The following PCNX3 variants were observed in gnomAD, a reference collection of about 807,000 sequenced individuals.
The protein encoded by PCNX3 is pecanex-like protein 3.
A neutral mutation model predicts 207.2 loss-of-function variants in PCNX3; 58 were observed. The observed-to-expected ratio is 0.28, with a 90% CI of 0.23 to 0.35. The LOEUF is 0.35. Among genes scored for constraint, PCNX3 ranks in the 10% least tolerant of loss-of-function variants. The probability of loss-of-function intolerance (pLI) is 1.00; values close to 1 mark genes in which losing one functional copy is unlikely to be tolerated. For synonymous variants in PCNX3, 1,337 were observed against 1,183.5 expected (o/e 1.13, Z -2.66); for missense variants, 2,410 against 2,774.4 (o/e 0.87, Z 2.95).
At position 65,618,379 on chromosome 11, in the gene PCNX3, A is replaced by C. The variant is rs920358458; in HGVS notation, c.1017A>C (p.Pro339=). The change falls in exon 6 of 35, where the codon CCA becomes CCC. Residue 339 remains proline, a synonymous_variant. Transcript: ENST00000355703. ...GPAPEGSDTD[P]PSEAELPASP... ...CCCCTGAGGGCAGCGACACAGACCC[A>C]CCCTCTGAGGCTGAGCTGCCTGCCT... 3.7e-6 allele frequency: 6 copies of C among 1,612,344 alleles called. No individual in the cohort carries two copies. The highest frequency in any genetic ancestry group is 5.1e-6 in the Non-Finnish European group (6 of 1,179,726).
intron 6 of PCNX3, 74 bp from the exon 7 acceptor site, chr11:65,619,463 A>G: frequency 1.3e-6 from 2 of 1,561,422 alleles, no homozygotes; most frequent in South Asian, 1.2e-5. Context: ...CTGGCGGAAC[A>G]CCGTCCCCAA....
In PCNX3 at chr11:65,627,023, A is replaced by C; in HGVS notation, c.3499A>C (p.Ser1167Arg). Reference sequence around the variant, plus strand: ...CACGGTGGACGCCCACACAGTCGTCAGCCACCCGGACAAGTACTGCTTCTA... The same window carrying C: ...CACGGTGGACGCCCACACAGTCGTCCGCCACCCGGACAAGTACTGCTTCTA... ...ALTVDAHTVVSHPDKYCFYCR... is the reference protein window; with the variant it reads ...ALTVDAHTVVRHPDKYCFYCR... Residue 1167 changes from serine to arginine, a missense_variant, in exon 21 of 35, where the codon AGC becomes CGC. Ser to Arg is a moderately radical substitution (Grantham distance 110). This residue lies in a region of PCNX3 where 333 missense variants were observed against 386.8 expected (regional missense o/e 0.86). Transcript: ENST00000355703. The C allele has an allele frequency of 6.5e-7, 1 of 1,531,938 alleles. No individual in the cohort carries two copies. Among genetic ancestry groups the C allele is most frequent in the South Asian group, 1.2e-5 (1 of 82,586 alleles). 94.9% of individuals were successfully genotyped at this position (1,531,938 alleles called of 1,614,324 possible).
Position 65,628,955 on chromosome 11 carries a change from C to T in PCNX3, c.3941+7C>T, listed in dbSNP as rs772824837. The T allele has an allele frequency of 6.2e-7, 1 of 1,610,776 alleles. No individual in the cohort carries two copies. The highest frequency in any genetic ancestry group is 8.5e-7 in the Non-Finnish European group (1 of 1,179,746). ...TCTGGGAGCGCGACTACAAGTGAGT[C>T]TCACAGGAGGCGGGAGCATGCCCAG... is the stretch of plus-strand genomic sequence containing the variant. On this transcript the variant is annotated splice_region_variant and intron_variant, in intron 24 of 34. Transcript: ENST00000355703.
chr11:65,625,118 C>A lies in PCNX3; in HGVS notation c.2920-53C>A. ...CAGTGGCTTCTCACACGGGGGCAGCCCGGGCCCCATGCTTACCTCACCTCC... is the reference window on the plus strand; with the variant it reads ...CAGTGGCTTCTCACACGGGGGCAGCACGGGCCCCATGCTTACCTCACCTCC... On this transcript the variant is annotated intron_variant, in intron 16 of 34. Transcript: ENST00000355703. The surrounding 1 kb of genome is among the most constrained non-coding windows in gnomAD (Gnocchi z 5.6). 1 of 1,556,714 alleles carries A rather than the reference C, an allele frequency of 6.4e-7. No individual in the cohort carries two copies. Among genetic ancestry groups the A allele is most frequent in the Non-Finnish European group, 8.8e-7 (1 of 1,141,884 alleles).
chr11:65,625,398 C>A lies in PCNX3; in HGVS notation c.3030-7C>A, dbSNP rs536368223. 387 of 1,602,246 alleles carry A rather than the reference C, an allele frequency of 2.4e-4. 3 individuals are homozygous for A. The South Asian group carries it at 4.0e-3, about 17-fold the overall frequency. Reference sequence around the variant, plus strand: ...GCGGCCTCCTCCTGACTCTTCCTCACCCCCAGGTCTCTGATCCGGAGCAAG... The same window carrying A: ...GCGGCCTCCTCCTGACTCTTCCTCAACCCCAGGTCTCTGATCCGGAGCAAG... On this transcript the variant is annotated splice_region_variant and splice_polypyrimidine_tract_variant and intron_variant, in intron 17 of 34. Coordinates refer to ENST00000355703, the MANE Select transcript of PCNX3 (RefSeq NM_032223.4). The surrounding 1 kb of genome is among the most constrained non-coding windows in gnomAD (Gnocchi z 5.6).
chr11:65,618,558 G>A lies in PCNX3; in HGVS notation c.1196G>A (p.Arg399Gln), dbSNP rs538665832. Residue 399 changes from arginine to glutamine, a missense_variant, in exon 6 of 35, where the codon CGA becomes CAA. Arg to Gln is a conservative substitution (Grantham distance 43). Coordinates refer to ENST00000355703, the MANE Select transcript of PCNX3 (RefSeq NM_032223.4). ...CCTAGCAAACGGCAGCCACCCCTGC[G>A]AAGACACTCTCCACCTGGCCGTGCC... Reference protein sequence around the residue: ...LRPSKRQPPLRRHSPPGRAPR... With the variant: ...LRPSKRQPPLQRHSPPGRAPR... 6.8e-6 allele frequency: 11 copies of A among 1,611,642 alleles called. No homozygotes were observed. Among genetic ancestry groups the A allele is most frequent in the South Asian group, 5.5e-5 (5 of 91,054 alleles).
Position 65,619,065 on chromosome 11 carries a change from G to C in PCNX3, c.1703G>C (p.Gly568Ala). 1 of 1,587,306 alleles carries C rather than the reference G, an allele frequency of 6.3e-7. No individual in the cohort carries two copies. Among genetic ancestry groups the C allele is most frequent in the South Asian group, 1.1e-5 (1 of 89,558 alleles). Residue 568 changes from glycine to alanine, a missense_variant and splice_region_variant, in exon 6 of 35, where the codon GGA becomes GCA. Transcript: ENST00000355703. ...CTGCAGGAGGAAGGTGCTGTGGGGG[G>C]AGGTGAGTGCTTGCTCTAGAGGCAG... ...GELQEEGAVG[G>A]AAEETGRRDR... is the part of the protein sequence containing the mutation.
In PCNX3 at chr11:65,619,539, G is replaced by T; in HGVS notation, c.1708G>T (p.Ala570Ser). The stretch of plus-strand genomic sequence containing the variant: ...CTTGGGGGCCTCTCTCTGGGCAGCG[G>T]CCGAGGAGACTGGCAGGCGGGACCG... Reference protein sequence around the residue: ...LQEEGAVGGAAEETGRRDRSS... With the variant: ...LQEEGAVGGASEETGRRDRSS... Residue 570 changes from alanine (A) to serine (S), a missense_variant and splice_region_variant, in exon 7 of 35, where the codon GCC (alanine) becomes TCC (serine). Physicochemically the swap from Ala to Ser is moderately conservative, Grantham distance 99. Coordinates refer to ENST00000355703, the MANE Select transcript of PCNX3 (RefSeq NM_032223.4). 1 of 1,611,584 alleles carries T rather than the reference G, an allele frequency of 6.2e-7. No homozygotes were observed.
Position 65,618,721 on chromosome 11 carries a change from C to T in PCNX3, c.1359C>T (p.Tyr453=), listed in dbSNP as rs1854897718. Residue 453 remains tyrosine (Y), a synonymous_variant, in exon 6 of 35, where the codon TAC becomes TAT. Coordinates refer to ENST00000355703, the MANE Select transcript of PCNX3 (RefSeq NM_032223.4). ...STDSSSSTSC[Y]SPESSRGAAG... is the part of the protein sequence containing the mutation. ...ACAGCTCCTCTTCTACTTCCTGCTACTCCCCTGAGAGCTCCCGGGGTGCAG... is the reference window on the plus strand; with the variant it reads ...ACAGCTCCTCTTCTACTTCCTGCTATTCCCCTGAGAGCTCCCGGGGTGCAG... 1.2e-6 allele frequency: 2 copies of T among 1,612,764 alleles called. No homozygotes were observed. Among genetic ancestry groups the T allele is most frequent in the African/African-American group, 1.3e-5 (1 of 74,910 alleles).
In PCNX3 at chr11:65,629,915, G is replaced by C. The variant is rs574600408; in HGVS notation, c.4216+180G>C. 2.6e-5 allele frequency among the ~76,000 whole-genome samples: 4 copies of C among 152,296 alleles called. No individual in the cohort carries two copies. The East Asian group carries it at 7.7e-4, about 29-fold the overall frequency. On this transcript the variant is annotated intron_variant, in intron 26 of 34. Transcript: ENST00000355703. ...CCCAGTCTGAGCAATGAGGTGGCAG[G>C]GTCTCTTGGCCAAGCCCTGTGCCTG... is the stretch of plus-strand genomic sequence containing the variant.
intron 10 of PCNX3, among the ~76,000 whole-genome samples, chr11:65,621,360 C>T (rs1855088447): frequency 1.3e-5 from 2 of 152,224 alleles, no homozygotes; most frequent in African/African-American, 4.8e-5. Flanking sequence ...TCTCTGTTAA[C>T]ACTTCCTGTC....
chr11:65,622,083 C>A, intron 10 of PCNX3, 162 bp from the exon 11 acceptor site: 1 of 856,968 alleles, frequency 1.2e-6, no homozygotes, highest in Non-Finnish European at 1.4e-6. Context: ...GGGTCCAGGG[C>A]CGCTAGACAG....
chr11:65,617,142 C>T (rs1356125498), intron 2 of PCNX3, 108 bp from the exon 3 acceptor site: 10 of 1,397,850 alleles, frequency 7.2e-6, no homozygotes, highest in African/African-American at 4.3e-5. Context: ...TGTGTTAGCC[C>T]TGGAATTGTA....
At chr11:65,633,727 A>G (rs1012818636) in intron 27 of PCNX3, among the ~76,000 whole-genome samples, 15 of 152,186 alleles carry the variant, frequency 9.9e-5, no homozygotes, top group African/African-American at 3.4e-4. Flanking sequence ...AGGTGGGGCC[A>G]GCTCCACCTT....
intron 22 of PCNX3, 57 bp from the exon 23 acceptor site, chr11:65,628,538 G>A (rs1220086250): frequency 6.5e-7 from 1 of 1,538,044 alleles, no homozygotes; most frequent in Non-Finnish European, 8.9e-7. Context: ...CTGGCATCCG[G>A]GGGCTTCCAT....
Position 65,619,882 on chromosome 11 carries a change from C to A in PCNX3, c.1958C>A (p.Thr653Asn). 1 of 1,611,820 alleles carries A rather than the reference C, an allele frequency of 6.2e-7. No individual in the cohort carries two copies. Among genetic ancestry groups the A allele is most frequent in the Non-Finnish European group, 8.5e-7 (1 of 1,179,560 alleles). The change falls in exon 8 of 35, where the codon ACC becomes AAC. Residue 653 changes from threonine (T) to asparagine (N), a missense_variant. Coordinates refer to ENST00000355703, the MANE Select transcript of PCNX3 (RefSeq NM_032223.4). ...RAGANVHEAC[T>N]FDDTSEGAVH... ...GGTGCCAATGTGCATGAGGCCTGCACCTTTGATGACACTTCTGAGGGTGCT... is the reference window on the plus strand; with the variant it reads ...GGTGCCAATGTGCATGAGGCCTGCAACTTTGATGACACTTCTGAGGGTGCT...
chr11:65,625,436 C>A lies in PCNX3; in HGVS notation c.3061C>A (p.Leu1021Met), dbSNP rs1855334536. Reference protein sequence around the residue: ...SLIRSKLFPELEERSLETARA... With the variant: ...SLIRSKLFPEMEERSLETARA... The stretch of plus-strand genomic sequence containing the variant: ...GATCCGGAGCAAGCTGTTCCCTGAG[C>A]TGGAGGAGCGCAGCTTGGAGACAGC... Residue 1021 changes from leucine to methionine, a missense_variant, in exon 18 of 35, where the codon CTG (leucine) becomes ATG (methionine). This residue lies in a region of PCNX3 where 333 missense variants were observed against 386.8 expected (regional missense o/e 0.86). Transcript: ENST00000355703. This position sits in a 1 kb window ranked among gnomAD's most constrained non-coding sequence, Gnocchi z 5.6. 1.2e-6 allele frequency: 2 copies of A among 1,605,354 alleles called. No homozygotes were observed. The highest frequency in any genetic ancestry group is 1.7e-5 in the Admixed American group (1 of 59,974).
intron 6 of PCNX3, 102 bp downstream of exon 6, chr11:65,619,169 C>G (rs150440459): frequency 0.014 from 14,611 of 1,007,986 alleles, 168 homozygotes; most frequent in Non-Finnish European, 0.019. Context: ...TCAGCTCAGC[C>G]TCGGTTGTAG....
At chr11:65,616,665 A>G (rs1253408290) in intron 1 of PCNX3, among the ~76,000 whole-genome samples, 159 bp from the exon 2 acceptor site, 1 of 152,238 alleles carries the variant, frequency 6.6e-6, no homozygotes, top group Non-Finnish European at 1.5e-5. Flanking sequence ...CCAGCTAAGC[A>G]GAATACAGAG....
Sources: allele counts gnomAD v4.1 joint callset (sites outside exome capture counted in the v4.1 genomes callset), GRCh38; gene constraint gnomAD v4.1.1; regional missense constraint gnomAD v4.1.1; non-coding constraint Gnocchi (gnomAD v3.1); transcripts MANE v1.5; gene names NCBI Gene and HGNC (gene_info 2026-07-23, HGNC 2026-07-21).